The following ABI3BP variants were observed in gnomAD, a reference collection of about 807,000 sequenced individuals.
The protein encoded by ABI3BP is target of Nesh-SH3.
Under a neutral mutation model 268.6 loss-of-function variants are expected in ABI3BP, and 216 were observed. The observed-to-expected ratio is 0.80, with a 90% CI of 0.72 to 0.90. ABI3BP has a LOEUF of 0.90. Ranked by LOEUF, ABI3BP falls within the 40% of genes least tolerant of loss-of-function variation. ABI3BP has a pLI of 0.00. For synonymous variants in ABI3BP, 730 were observed against 730.0 expected, an observed-to-expected ratio of 1.00 and a Z score of 0.00; for missense variants, 2,090 against 2,182.4, an observed-to-expected ratio of 0.96 and a Z score of 0.84.
intron 67 of ABI3BP, 89 bp downstream of exon 67, chr3:100,751,463 C>T: frequency 7.4e-7 from 1 of 1,355,798 alleles, no homozygotes. Context: ...CTATAGAATT[C>T]TTTTTAAATT....
At chr3:100,780,001 C>T in intron 58 of ABI3BP, 131 bp downstream of exon 58, 1 of 710,732 alleles carries the variant, frequency 1.4e-6, no homozygotes, top group Non-Finnish European at 2.5e-6. Flanking sequence ...AATACCCATG[C>T]ACTGTGTGTG....
chr3:100,961,038 G>T (rs113964928), intron 1 of ABI3BP, among the ~76,000 whole-genome samples: 45 of 152,254 alleles, frequency 3.0e-4, no homozygotes, highest in African/African-American at 1.1e-3. Context: ...CTAGGTTGGT[G>T]GTAATTTGTC....
At chr3:100,813,056 T>A (rs184442577) in intron 45 of ABI3BP, among the ~76,000 whole-genome samples, 1 of 152,120 alleles carries the variant, frequency 6.6e-6, no homozygotes, top group African/African-American at 2.4e-5. Context: ...AATTTTTGTA[T>A]CTTTTGTAGA....
intron 63 of ABI3BP, among the ~76,000 whole-genome samples, chr3:100,757,536 AG>A (rs1361126864): frequency 6.8e-6 from 1 of 146,888 alleles, no homozygotes; most frequent in Non-Finnish European, 1.5e-5. Flanking sequence ...ATAGTATCAA[AG>A]TAAAACAACT....
chr3:100,940,044 G>A (rs2068220514), intron 1 of ABI3BP, among the ~76,000 whole-genome samples: 1 of 152,028 alleles, frequency 6.6e-6, no homozygotes, highest in Non-Finnish European at 1.5e-5. Flanking sequence ...AGAGTTTAAG[G>A]TTATCTCTCT....
At chr3:100,785,631 T>C (rs1166319943) in intron 57 of ABI3BP, among the ~76,000 whole-genome samples, 1 of 152,200 alleles carries the variant, frequency 6.6e-6, no homozygotes, top group Non-Finnish European at 1.5e-5. Flanking sequence ...GTGGTGAAAA[T>C]AGAAATCCCT....
chr3:100,854,831 CTAAG>C (rs149230771), intron 14 of ABI3BP, among the ~76,000 whole-genome samples: 5,423 of 152,188 alleles, frequency 0.036, 292 homozygotes, highest in East Asian at 0.15. Flanking sequence ...ACAGTCATAA[CTAAG>C]TTTTACTTTC....
intron 2 of ABI3BP, chr3:100,911,090 G>C (rs935471207): frequency 3.6e-6 from 1 of 279,106 alleles, no homozygotes; most frequent in Non-Finnish European, 6.9e-6. Flanking sequence ...GTTTTACATG[G>C]TTTGTCTTAT....
rs557373943 is a variant in ABI3BP at position 100,750,569 on chromosome 3, C to T, written c.5287G>A (p.Glu1763Lys). ...TTGATTTGGGTGTGACCACCTATTT[C>T]TCCAAATTGGACAGGTTCCTGGCGA... ...AVRQEPVQFG[E>K]IGGHTQINYV... Residue 1763 changes from glutamate (E) to lysine (K), a missense_variant, in exon 68 of 68, where the codon GAA becomes AAA. Glu to Lys is a moderately conservative substitution (Grantham distance 56). Coordinates refer to ENST00000471714, the MANE Select transcript of ABI3BP (RefSeq NM_001375547.2). 1.9e-6 allele frequency: 3 copies of T among 1,613,192 alleles called. No homozygotes were observed. The highest frequency in any genetic ancestry group is 2.2e-5 in the South Asian group (2 of 91,020).
At chr3:100,894,930 T>C (rs1349322838) in intron 4 of ABI3BP, among the ~76,000 whole-genome samples, 30 of 35,764 alleles carry the variant, frequency 8.4e-4, no homozygotes, top group East Asian at 2.3e-3. Flanking sequence ...CAGAGCGGGA[T>C]TCCGCTTCAA....
chr3:100,836,473 G>A (rs146609490), intron 27 of ABI3BP, among the ~76,000 whole-genome samples: 5 of 152,134 alleles, frequency 3.3e-5, no homozygotes, highest in African/African-American at 1.2e-4. Context: ...AGACATCATA[G>A]CACAAAGTTG....
At chr3:100,836,254 C>T (rs2098587412) in intron 27 of ABI3BP, among the ~76,000 whole-genome samples, 1 of 152,032 alleles carries the variant, frequency 6.6e-6, no homozygotes, top group South Asian at 2.1e-4. Context: ...GGTAATAATA[C>T]AACTTTTTGT....
intron 18 of ABI3BP, among the ~76,000 whole-genome samples, chr3:100,847,972 G>C (rs2098792554): frequency 6.6e-6 from 1 of 152,132 alleles, no homozygotes; most frequent in African/African-American, 2.4e-5. Context: ...CCCAAACTCT[G>C]TGCTATAATA....
chr3:100,814,461 TCC>T (rs1190068171), intron 44 of ABI3BP, among the ~76,000 whole-genome samples: 2 of 152,040 alleles, frequency 1.3e-5, no homozygotes, highest in East Asian at 3.8e-4. Flanking sequence ...CTAATCCAAA[TCC>T]TATAATTATT....
At chr3:100,953,824 G>C (rs1260884388) in intron 1 of ABI3BP, among the ~76,000 whole-genome samples, 1 of 152,034 alleles carries the variant, frequency 6.6e-6, no homozygotes, top group Non-Finnish European at 1.5e-5. Context: ...AATAGTAGTA[G>C]CAAGAAGCTC....
chr3:100,749,868 A>G lies in ABI3BP; in HGVS notation c.*627T>C. Reference sequence around the variant, plus strand: ...TAGCTGAAATGAAATTTACTGATTCAATCTTTTTAAGAATTTGTGGATGTT... The same window carrying G: ...TAGCTGAAATGAAATTTACTGATTCGATCTTTTTAAGAATTTGTGGATGTT... On this transcript the variant is annotated 3_prime_UTR_variant, in exon 68 of 68. Transcript: ENST00000471714. 1 of 395,986 alleles carries G rather than the reference A, an allele frequency of 2.5e-6. No homozygotes were observed. Among genetic ancestry groups the G allele is most frequent in the Middle Eastern group, 6.4e-4 (1 of 1,574 alleles). The allele number at this position is 395,986 out of a possible 1,614,324, so 24.5% of individuals were successfully genotyped here. A position where few individuals can be genotyped will look rare whatever the true frequency, so the allele number is the denominator to read the frequency against.
At chr3:100,821,534 G>C (rs1579004966) in intron 38 of ABI3BP, among the ~76,000 whole-genome samples, 2 of 151,176 alleles carry the variant, frequency 1.3e-5, no homozygotes, top group Admixed American at 1.3e-4. Flanking sequence ...AGGCATCTCC[G>C]CCATGGGTAT....
At chr3:100,870,749 C>A (rs1222304026) in intron 9 of ABI3BP, among the ~76,000 whole-genome samples, 2 of 152,154 alleles carry the variant, frequency 1.3e-5, no homozygotes, top group Non-Finnish European at 2.9e-5. Context: ...TACAGTCCCA[C>A]ATTCACTCCA....
At chr3:100,750,637 A>G in intron 67 of ABI3BP, 27 bp from the exon 68 acceptor site, 1 of 1,539,584 alleles carries the variant, frequency 6.5e-7, no homozygotes, top group South Asian at 1.1e-5. Context: ...TTTCATTTTA[A>G]TAGCTGCTGT....
Sources: allele counts gnomAD v4.1 joint callset (sites outside exome capture counted in the v4.1 genomes callset), GRCh38; gene constraint gnomAD v4.1.1; transcripts MANE v1.5; gene names NCBI Gene and HGNC (gene_info 2026-07-23, HGNC 2026-07-21).